Variants in PDE1C observed in about 807,000 individuals in gnomAD.
PDE1C encodes phosphodiesterase 1C.
Under a neutral mutation model 93.1 loss-of-function variants are expected in PDE1C, and 62 were observed. The observed-to-expected ratio is 0.67, with a 90% CI of 0.54 to 0.82. The LOEUF is 0.82. Ranked by LOEUF, PDE1C falls within the 40% of genes least tolerant of loss-of-function variation. PDE1C has a pLI of 0.00. For synonymous variants in PDE1C, 325 were observed against 310.1 expected, an observed-to-expected ratio of 1.05 and a Z score of -0.50; for missense variants, 742 against 884.6, an observed-to-expected ratio of 0.84 and a Z score of 2.04.
At chr7:31,755,068 A>G (rs1794368823) in intron 17 of PDE1C, among the ~76,000 whole-genome samples, 1 of 152,176 alleles carries the variant, frequency 6.6e-6, no homozygotes, top group South Asian at 2.1e-4. Context: ...AAGAAGCTGT[A>G]CACAAGCACT....
chr7:32,394,153 G>A (rs185077703), intron 1 of PDE1C, among the ~76,000 whole-genome samples: 2 of 152,302 alleles, frequency 1.3e-5, no homozygotes, highest in Admixed American at 1.3e-4. Flanking sequence ...TGAGGCTTAG[G>A]TGCATGGTCT....
the PDE1C span, chr7:31,642,998 T>A: frequency 1.2e-6 from 2 of 1,613,998 alleles, no homozygotes; most frequent in East Asian, 4.5e-5. Context: ...CTGTGGCAGC[T>A]TCTGCCAATG....
intron 3 of PDE1C, among the ~76,000 whole-genome samples, chr7:32,091,020 C>T (rs1281018770): frequency 6.6e-6 from 1 of 152,206 alleles, no homozygotes; most frequent in African/African-American, 2.4e-5. Context: ...TTGTTTTCTA[C>T]CAGGCATGTT....
At chr7:31,624,763 G>T in the PDE1C span, among the ~76,000 whole-genome samples, 6 of 151,750 alleles carry the variant, frequency 4.0e-5, no homozygotes, top group South Asian at 2.1e-4. Flanking sequence ...AAAGCCAAAA[G>T]TGACAAATGG....
At chr7:31,772,048 A>AAT (rs1795524392) in intron 17 of PDE1C, among the ~76,000 whole-genome samples, 1 of 150,632 alleles carries the variant, frequency 6.6e-6, no homozygotes, top group Non-Finnish European at 1.5e-5. Flanking sequence ...TCCGTCTCAA[A>AAT]AAAAAAAAAA....
At chr7:31,727,465 C>T in the PDE1C span, among the ~76,000 whole-genome samples, 3 of 152,040 alleles carry the variant, frequency 2.0e-5, no homozygotes, top group African/African-American at 7.3e-5. Context: ...TTGTAAATAC[C>T]ACTGTGACAT....
At chr7:32,082,669 A>G (rs1796773625) in intron 3 of PDE1C, among the ~76,000 whole-genome samples, 1 of 152,214 alleles carries the variant, frequency 6.6e-6, no homozygotes, top group South Asian at 2.1e-4. Flanking sequence ...CAGAGGAACC[A>G]TCGGACAGCA....
chr7:31,667,421 T>C, the PDE1C span, among the ~76,000 whole-genome samples: 1 of 152,204 alleles, frequency 6.6e-6, no homozygotes, highest in African/African-American at 2.4e-5. Flanking sequence ...GTTGCTTTGC[T>C]AATTTGGATG....
chr7:31,911,648 AG>A (rs1486013902), intron 2 of PDE1C, among the ~76,000 whole-genome samples: 1 of 152,178 alleles, frequency 6.6e-6, no homozygotes, highest in Non-Finnish European at 1.5e-5. Flanking sequence ...TAGAATTAGA[AG>A]TCATTCCCAT....
intron 10 of PDE1C, 75 bp from the exon 11 acceptor site, chr7:31,837,375 T>A: frequency 1.5e-6 from 2 of 1,358,748 alleles, no homozygotes; most frequent in Non-Finnish European, 2.0e-6. Context: ...TAAAAATCAT[T>A]AAGTTTTTAA....
chr7:32,329,338 C>A (rs1241299671), intron 1 of PDE1C, among the ~76,000 whole-genome samples: 7 of 152,156 alleles, frequency 4.6e-5, no homozygotes, highest in Non-Finnish European at 7.3e-5. Flanking sequence ...GGAGAGGCCT[C>A]ATTTATACAT....
At chr7:32,348,356 C>CTTTT (rs59148183) in intron 1 of PDE1C, among the ~76,000 whole-genome samples, 15 of 57,314 alleles carry the variant, frequency 2.6e-4, no homozygotes, top group Non-Finnish European at 2.9e-4. Context: ...AACAAATGTG[C>CTTTT]TTTTTTTTTT....
chr7:31,727,057 AC>A, the PDE1C span, among the ~76,000 whole-genome samples: 1 of 152,124 alleles, frequency 6.6e-6, no homozygotes, highest in Non-Finnish European at 1.5e-5. Context: ...AAAAAAATTA[AC>A]AAAAAAAGAT....
chr7:31,997,448 C>T (rs953863674), intron 2 of PDE1C, among the ~76,000 whole-genome samples: 6 of 152,144 alleles, frequency 3.9e-5, no homozygotes, highest in South Asian at 2.1e-4. Context: ...CCCTAATGCC[C>T]TTGAAGCATT....
chr7:31,974,332 C>T (rs1037462738), intron 2 of PDE1C, among the ~76,000 whole-genome samples: 2 of 152,142 alleles, frequency 1.3e-5, no homozygotes, highest in African/African-American at 4.8e-5. Flanking sequence ...GATACAGGCA[C>T]ACAACAAAAA....
intron 2 of PDE1C, among the ~76,000 whole-genome samples, chr7:32,208,116 T>C (rs1395222120): frequency 6.6e-6 from 1 of 152,248 alleles, no homozygotes; most frequent in East Asian, 1.9e-4. Flanking sequence ...TTACACAATT[T>C]CTAAAATATG....
chr7:32,372,954 T>C (rs1045110877), intron 1 of PDE1C, among the ~76,000 whole-genome samples: 4 of 152,238 alleles, frequency 2.6e-5, no homozygotes, highest in African/African-American at 9.6e-5. Flanking sequence ...TAAAATGCTA[T>C]GCATTCCAAA....
chr7:32,220,554 G>A (rs1156952142), intron 1 of PDE1C, among the ~76,000 whole-genome samples: 2 of 152,234 alleles, frequency 1.3e-5, no homozygotes, highest in Non-Finnish European at 2.9e-5. Flanking sequence ...GGTGGCTCAC[G>A]CCTGTGATCC....
intron 3 of PDE1C, among the ~76,000 whole-genome samples, chr7:32,150,759 T>C (rs953132549): frequency 1.3e-5 from 2 of 152,202 alleles, no homozygotes; most frequent in African/African-American, 4.8e-5. Context: ...GGTTAGGTCT[T>C]CGTTCATTTG....
Sources: allele counts gnomAD v4.1 joint callset (sites outside exome capture counted in the v4.1 genomes callset), GRCh38; gene constraint gnomAD v4.1.1; transcripts MANE v1.5; gene names NCBI Gene and HGNC (gene_info 2026-07-23, HGNC 2026-07-21).